The following KHDRBS2 variants were observed in gnomAD, a reference collection of about 807,000 sequenced individuals.
KHDRBS2 encodes the protein KH RNA binding domain containing, signal transduction associated 2.
In KHDRBS2, 26 loss-of-function variants were observed where a neutral mutation model predicts 44.3. The ratio of observed to expected loss-of-function variants is 0.59; its 90% CI spans 0.43 to 0.81. The LOEUF (loss-of-function observed/expected upper bound fraction) is 0.81, where lower values mean the gene tolerates loss of function less well. Ranked by LOEUF, KHDRBS2 falls within the 40% of genes least tolerant of loss-of-function variation. The pLI, the probability that KHDRBS2 is intolerant of heterozygous loss-of-function variation, is 0.00. For synonymous variants in KHDRBS2, 194 were observed against 151.1 expected, an observed-to-expected ratio of 1.28 and a Z score of -2.08; for missense variants, 476 against 433.1, an observed-to-expected ratio of 1.10 and a Z score of -0.88.
chr6:61,559,817 G>T, the KHDRBS2 span, among the ~76,000 whole-genome samples: 1 of 152,086 alleles, frequency 6.6e-6, no homozygotes, highest in African/African-American at 2.4e-5. Context: ...TCATCTTTTA[G>T]TCTTTCTGCA....
At chr6:62,029,226 G>C (rs191910292) in intron 3 of KHDRBS2, among the ~76,000 whole-genome samples, 1 of 151,782 alleles carries the variant, frequency 6.6e-6, no homozygotes, top group African/African-American at 2.4e-5. Flanking sequence ...ATGGCAAAAT[G>C]TTAGTAACAG....
the KHDRBS2 span, among the ~76,000 whole-genome samples, chr6:61,671,267 C>CATGG: frequency 1.3e-5 from 2 of 151,536 alleles, no homozygotes; most frequent in African/African-American, 4.8e-5. Flanking sequence ...ATAGATCCTT[C>CATGG]ACTATATTCC....
intron 6 of KHDRBS2, among the ~76,000 whole-genome samples, chr6:61,827,703 C>T (rs916870072): frequency 1.3e-5 from 2 of 152,136 alleles, no homozygotes; most frequent in Non-Finnish European, 2.9e-5. Context: ...TGTGGTCCGA[C>T]TCTGGTGAGG....
chr6:62,238,146 G>A (rs1278163871), intron 1 of KHDRBS2, among the ~76,000 whole-genome samples: 1 of 151,970 alleles, frequency 6.6e-6, no homozygotes, highest in Non-Finnish European at 1.5e-5. Flanking sequence ...GTTTCACTTG[G>A]TATATTTTAA....
intron 2 of KHDRBS2, among the ~76,000 whole-genome samples, chr6:62,162,700 C>T (rs571102466): frequency 3.9e-5 from 6 of 152,200 alleles, no homozygotes; most frequent in African/African-American, 1.2e-4. Context: ...GGTAGGAAGA[C>T]AGATTTCTGG....
At chr6:61,684,512 T>A (rs1490587506) in intron 8 of KHDRBS2, among the ~76,000 whole-genome samples, 1 of 151,860 alleles carries the variant, frequency 6.6e-6, no homozygotes, top group Non-Finnish European at 1.5e-5. Flanking sequence ...ATTTAAAGCC[T>A]TCCTACGAAT....
chr6:61,831,013 GA>G (rs1382803345), intron 6 of KHDRBS2, among the ~76,000 whole-genome samples: 1 of 152,016 alleles, frequency 6.6e-6, no homozygotes, highest in Non-Finnish European at 1.5e-5. Context: ...AAAAAAGTCC[GA>G]AAATTTGAGA....
intron 2 of KHDRBS2, among the ~76,000 whole-genome samples, chr6:62,096,472 T>C (rs1274528084): frequency 6.6e-6 from 1 of 151,924 alleles, no homozygotes; most frequent in East Asian, 1.9e-4. Flanking sequence ...GTCCAGGAAC[T>C]TATGCATTTC....
intron 6 of KHDRBS2, among the ~76,000 whole-genome samples, chr6:61,868,316 A>T (rs1243206783): frequency 6.6e-6 from 1 of 152,134 alleles, no homozygotes; most frequent in Non-Finnish European, 1.5e-5. Flanking sequence ...CCCAAACAGC[A>T]AAGGTGGCAG....
chr6:61,865,445 G>A (rs1342762100), intron 6 of KHDRBS2, among the ~76,000 whole-genome samples: 3 of 152,014 alleles, frequency 2.0e-5, no homozygotes, highest in Admixed American at 1.3e-4. Context: ...GCTTGAGCAG[G>A]GGAACTCCTC....
chr6:61,647,291 G>A, the KHDRBS2 span, among the ~76,000 whole-genome samples: 1 of 152,126 alleles, frequency 6.6e-6, no homozygotes, highest in African/African-American at 2.4e-5. Flanking sequence ...CTTAGTGTGT[G>A]AGGGTTTTCA....
Position 61,941,401 on chromosome 6 carries a change from C to T in KHDRBS2, c.483+36665G>A, listed in dbSNP as rs542408873. On this transcript the variant is annotated intron_variant, in intron 4 of 8. Coordinates refer to ENST00000281156, the MANE Select transcript of KHDRBS2 (RefSeq NM_152688.4). ...GGCCCCAAGAACCTGCCCACCCACCCGCTACATTACTGCCATTATTAGCAT... is the reference window on the plus strand; with the variant it reads ...GGCCCCAAGAACCTGCCCACCCACCTGCTACATTACTGCCATTATTAGCAT... Among the ~76,000 whole-genome samples, 25 of 152,232 alleles carry T rather than the reference C, an allele frequency of 1.6e-4. No homozygotes were observed. The South Asian group carries it at 2.1e-3, about 13-fold the overall frequency.
At chr6:61,632,508 C>T in the KHDRBS2 span, among the ~76,000 whole-genome samples, 8 of 151,960 alleles carry the variant, frequency 5.3e-5, no homozygotes, top group Admixed American at 5.3e-4. Flanking sequence ...AAGATTAAAG[C>T]ATAAACAATT....
the KHDRBS2 span, among the ~76,000 whole-genome samples, chr6:61,667,986 A>G: frequency 6.6e-6 from 1 of 151,320 alleles, no homozygotes; most frequent in East Asian, 2.0e-4. Flanking sequence ...AGTTTTACCT[A>G]TGAGTAATTA....
At chr6:62,285,247 T>C (rs911904877) in intron 1 of KHDRBS2, among the ~76,000 whole-genome samples, 1 of 152,152 alleles carries the variant, frequency 6.6e-6, no homozygotes, top group African/African-American at 2.4e-5. Context: ...TGATCAATTA[T>C]AGAGTGTTCC....
the KHDRBS2 span, among the ~76,000 whole-genome samples, chr6:61,623,690 G>A: frequency 9.5e-4 from 145 of 152,260 alleles, 1 homozygote; most frequent in South Asian, 7.5e-3. Flanking sequence ...GCCCTTTTAG[G>A]GTTCATGTTA....
At chr6:61,683,916 G>A (rs1244307392) in intron 8 of KHDRBS2, among the ~76,000 whole-genome samples, 1 of 151,886 alleles carries the variant, frequency 6.6e-6, no homozygotes, top group Non-Finnish European at 1.5e-5. Context: ...GCAAAAGTAA[G>A]TTTCTAATTT....
At chr6:61,662,576 A>G in the KHDRBS2 span, among the ~76,000 whole-genome samples, 1 of 152,172 alleles carries the variant, frequency 6.6e-6, no homozygotes, top group Admixed American at 6.6e-5. Flanking sequence ...AACCCCATCA[A>G]CAAGTGGGTG....
intron 2 of KHDRBS2, among the ~76,000 whole-genome samples, chr6:62,064,965 G>A (rs1793190429): frequency 6.6e-6 from 1 of 151,730 alleles, no homozygotes; most frequent in Non-Finnish European, 1.5e-5. Context: ...TCAAAAAGTG[G>A]GTGAAGGACA....
Sources: allele counts gnomAD v4.1 joint callset (sites outside exome capture counted in the v4.1 genomes callset), GRCh38; gene constraint gnomAD v4.1.1; transcripts MANE v1.5; gene names NCBI Gene and HGNC (gene_info 2026-07-23, HGNC 2026-07-21).